The following SNCG variants were observed in gnomAD, a reference collection of about 807,000 sequenced individuals.
SNCG encodes gamma-synuclein.
In SNCG, 13 loss-of-function variants were observed where a neutral mutation model predicts 16.0. That is an observed-to-expected ratio of 0.81 (90% confidence interval 0.53 to 1.29). The LOEUF (loss-of-function observed/expected upper bound fraction) is 1.29, where lower values mean the gene tolerates loss of function less well. Ranked by LOEUF, SNCG falls within the 50% of genes most tolerant of loss-of-function variation. The pLI is 0.00. For missense variants in SNCG, 154 were observed against 168.5 expected, an observed-to-expected ratio of 0.91 and a Z score of 0.48; for synonymous variants, 66 against 66.3, an observed-to-expected ratio of 1.00 and a Z score of 0.02.
At chr10:86,960,666 G>A (rs901325944) in intron 3 of SNCG, among the ~76,000 whole-genome samples, 27 of 152,196 alleles carry the variant, frequency 1.8e-4, no homozygotes, top group African/African-American at 6.5e-4. Flanking sequence ...GTGTGTGCAC[G>A]TGTGTTGAGT....
rs368778724 is a variant in SNCG at position 86,959,177 on chromosome 10, T to C, written c.121+359T>C. Among the ~76,000 whole-genome samples, 66 of 152,178 alleles carry C rather than the reference T, an allele frequency of 4.3e-4. No homozygotes were observed. In the East Asian group the frequency reaches 5.4e-3, roughly 13 times the overall value. On this transcript the variant is annotated intron_variant, in intron 1 of 4. Coordinates refer to ENST00000372017, the MANE Select transcript of SNCG (RefSeq NM_003087.3). This position sits in a 1 kb window ranked among gnomAD's most constrained non-coding sequence, Gnocchi z 4.3. ...CCCACCCTCTCCACACGGGAGCGGC[T>C]ACAGCCAGGTCACGGATCCCCTCCC...
At chr10:86,958,873 G>A in intron 1 of SNCG, 55 bp downstream of exon 1, 1 of 1,541,646 alleles carries the variant, frequency 6.5e-7, no homozygotes, top group Non-Finnish European at 8.8e-7. Context: ...TGAGTGCCCA[G>A]TTACCTTCGC....
Position 86,963,236 on chromosome 10 carries a change from A to G in SNCG, c.*251A>G. 1 of 423,182 alleles carries G rather than the reference A, an allele frequency of 2.4e-6. No homozygotes were observed. Among genetic ancestry groups the G allele is most frequent in the East Asian group, 3.6e-5 (1 of 27,878 alleles). 26.2% of individuals were successfully genotyped at this position (423,182 alleles called of 1,614,324 possible). On this transcript the variant is annotated 3_prime_UTR_variant, in exon 5 of 5. Transcript: ENST00000372017. ...GTGAATTTTTTTTTTAAATGATTCC[A>G]AATAAAACTTGAGCCCACTCCTGCC...
At position 86,963,258 on chromosome 10, in the gene SNCG, T is replaced by G; in HGVS notation, c.*273T>G. 1 of 392,256 alleles carries G rather than the reference T, an allele frequency of 2.5e-6. No homozygotes were observed. The highest frequency in any genetic ancestry group is 4.5e-6 in the Non-Finnish European group (1 of 220,110). The allele number at this position is 392,256 out of a possible 1,614,324, so 24.3% of individuals were successfully genotyped here. On this transcript the variant is annotated 3_prime_UTR_variant, in exon 5 of 5. Transcript: ENST00000372017. ...TCCAAATAAAACTTGAGCCCACTCC[T>G]GCCATGCTTCCTCTGGGTGCTGTGT...
chr10:86,958,577 G>T, upstream of SNCG: 2 of 1,357,596 alleles, frequency 1.5e-6, no homozygotes, highest in Non-Finnish European at 1.9e-6. Context: ...ATATTTCATC[G>T]GCGTCAATAG....
At chr10:86,958,201 A>G (rs1045186531), upstream of SNCG, 1 of 968,482 alleles carries the variant, frequency 1.0e-6, no homozygotes, top group African/African-American at 1.8e-5. Flanking sequence ...TAACAGGCCT[A>G]TGTGGCCCTG....
intron 3 of SNCG, among the ~76,000 whole-genome samples, chr10:86,961,598 C>T (rs1012450346): frequency 1.3e-5 from 2 of 152,124 alleles, no homozygotes; most frequent in African/African-American, 2.4e-5. Flanking sequence ...GGAGCCACCT[C>T]GAGGGAGACT....
chr10:86,962,400 C>T (rs45518038), intron 3 of SNCG, among the ~76,000 whole-genome samples: 558 of 152,170 alleles, frequency 3.7e-3, no homozygotes, highest in Non-Finnish European at 6.1e-3. Context: ...GTACTTGGTG[C>T]CCCTGGAAGG....
At chr10:86,957,626 C>G (rs1487704466), upstream of SNCG, 1 of 1,479,804 alleles carries the variant, frequency 6.8e-7, no homozygotes, top group Admixed American at 2.2e-5. Flanking sequence ...CAAGTTAAAT[C>G]TCAGGAGGAA....
upstream of SNCG, chr10:86,958,504 CTCCCT>C: frequency 8.4e-7 from 1 of 1,188,676 alleles, no homozygotes; most frequent in Non-Finnish European, 1.1e-6. Flanking sequence ...CCTTCCCTCC[CTCCCT>C]CCCTCCCCGC....
At chr10:86,960,501 G>A (rs1309894095) in intron 3 of SNCG, among the ~76,000 whole-genome samples, 1 of 152,140 alleles carries the variant, frequency 6.6e-6, no homozygotes, top group Non-Finnish European at 1.5e-5. Context: ...CAGGCCGGGG[G>A]CTGAGTAGCA....
Position 86,960,064 on chromosome 10 carries a change from C to A in SNCG, c.227C>A (p.Thr76Asn), listed in dbSNP as rs1485026745. 6.2e-7 allele frequency: 1 copy of A among 1,613,182 alleles called. No homozygotes were observed. Among genetic ancestry groups the A allele is most frequent in the Non-Finnish European group, 8.5e-7 (1 of 1,179,834 alleles). The change falls in exon 3 of 5, where the codon ACT becomes AAT. Residue 76 changes from threonine (T) to asparagine (N), a missense_variant. Transcript: ENST00000372017. ...GAGGCTGTGGTGAGCAGCGTCAACA[C>A]TGTGGCCACCAAGACCGTGGAGGAG... ...VSEAVVSSVN[T>N]VATKTVEEAE... is the part of the protein sequence containing the mutation.
chr10:86,962,158 G>C (rs536206574), intron 3 of SNCG, among the ~76,000 whole-genome samples: 4 of 152,160 alleles, frequency 2.6e-5, no homozygotes, highest in African/African-American at 9.7e-5. Context: ...CTTTGAGCTC[G>C]AAGGCCCTGA....
chr10:86,959,327 T>A lies in SNCG; in HGVS notation c.122-306T>A. The A allele has an allele frequency of 1.9e-6, 1 of 537,254 alleles. No individual in the cohort carries two copies. The allele number at this position is 537,254 out of a possible 1,614,324, so 33.3% of individuals were successfully genotyped here. ...AAGCCAATGACTCAGCTCTGGCCCA[T>A]CCTGTCCTGTTGCTGCTTCTGAGGC... On this transcript the variant is annotated intron_variant, in intron 1 of 4. Transcript: ENST00000372017. The surrounding 1 kb of genome is among the most constrained non-coding windows in gnomAD (Gnocchi z 4.3).
At chr10:86,956,060 G>A (rs1365433590), upstream of SNCG, among the ~76,000 whole-genome samples, 2 of 152,184 alleles carry the variant, frequency 1.3e-5, no homozygotes, top group African/African-American at 2.4e-5. Context: ...ATCAAAAGGC[G>A]GAAGGTGGCC....
chr10:86,958,470 C>G, upstream of SNCG: 2 of 1,385,678 alleles, frequency 1.4e-6, no homozygotes, highest in South Asian at 3.0e-5. Flanking sequence ...CCTTCCTATC[C>G]TGGAGGAAGG....
upstream of SNCG, among the ~76,000 whole-genome samples, chr10:86,956,035 C>T (rs1844219647): frequency 6.6e-6 from 1 of 152,150 alleles, no homozygotes. Context: ...ACCGGGTCCT[C>T]TCATCCTCCC....
At chr10:86,958,137 G>C, upstream of SNCG, 1 of 985,362 alleles carries the variant, frequency 1.0e-6, no homozygotes, top group Non-Finnish European at 1.2e-6. Context: ...CGGCATCCAG[G>C]ATGCTGGTGG....
At position 86,960,128 on chromosome 10, in the gene SNCG, G is replaced by A; in HGVS notation, c.291G>A (p.Lys97=). ...NIAVTSGVVR[K]EDLRPSAPQQ... is the part of the protein sequence containing the mutation. ...CGGTCACCTCCGGGGTGGTGCGCAA[G>A]GTGAGCCCCGGCCCTCAGACCTGCC... Residue 97 remains lysine (K), a splice_region_variant and synonymous_variant, in exon 3 of 5, where the codon AAG becomes AAA. Coordinates refer to ENST00000372017, the MANE Select transcript of SNCG (RefSeq NM_003087.3). 2 of 1,611,120 alleles carry A rather than the reference G, an allele frequency of 1.2e-6. No homozygotes were observed. Among genetic ancestry groups the A allele is most frequent in the East Asian group, 4.5e-5 (2 of 44,792 alleles).
Sources: allele counts gnomAD v4.1 joint callset (sites outside exome capture counted in the v4.1 genomes callset), GRCh38; gene constraint gnomAD v4.1.1; non-coding constraint Gnocchi (gnomAD v3.1); transcripts MANE v1.5; gene names NCBI Gene and HGNC (gene_info 2026-07-23, HGNC 2026-07-21).